NAV3: variants seen among roughly 807,000 people sequenced by gnomAD.
The protein encoded by NAV3 is neuron navigator 3.
Under a neutral mutation model 244.7 loss-of-function variants are expected in NAV3, and 87 were observed. The observed-to-expected ratio is 0.36, with a 90% CI of 0.30 to 0.42. The LOEUF is 0.42. Among genes scored for constraint, NAV3 ranks in the 20% least tolerant of loss-of-function variants. NAV3 has a pLI of 1.00. For synonymous variants in NAV3, 1,126 were observed against 1,042.2 expected (o/e 1.08, Z -1.55); for missense variants, 2,663 against 2,893.3 (o/e 0.92, Z 1.83).
At chr12:78,167,242 AAAT>A in intron 23 of NAV3, among the ~76,000 whole-genome samples, 1 of 151,940 alleles carries the variant, frequency 6.6e-6, no homozygotes, top group South Asian at 2.1e-4. Flanking sequence ...AATTTCCCAC[AAAT>A]ATTATATTCT....
intron 14 of NAV3, 55 bp downstream of exon 14, chr12:78,118,352 A>G (rs1955516280): frequency 6.5e-7 from 1 of 1,530,964 alleles, no homozygotes; most frequent in Non-Finnish European, 8.8e-7. Context: ...TATTGTTTCC[A>G]TTCAATCTTT....
intron 2 of NAV3, among the ~76,000 whole-genome samples, chr12:77,605,293 A>G (rs1012570286): frequency 1.3e-5 from 2 of 152,140 alleles, no homozygotes; most frequent in African/African-American, 4.8e-5. Flanking sequence ...TATTATAATT[A>G]TGAGAATCAA....
chr12:78,060,323 G>A (rs1180779511), intron 12 of NAV3, among the ~76,000 whole-genome samples: 1 of 152,080 alleles, frequency 6.6e-6, no homozygotes, highest in Non-Finnish European at 1.5e-5. Context: ...GATACCCAGG[G>A]AATTCTAATA....
chr12:78,021,713 T>G, intron 8 of NAV3, 34 bp from the exon 9 acceptor site: 1 of 1,429,814 alleles, frequency 7.0e-7, no homozygotes, highest in East Asian at 2.3e-5. Context: ...TGACTATAAC[T>G]GCTATTTCTT....
In NAV3 at chr12:77,727,109, T is replaced by TA. The variant is rs113550525; in HGVS notation, c.72+154844dup. Among the ~76,000 whole-genome samples the TA allele has an allele frequency of 4.4e-3, 674 of 152,022 alleles. 5 individuals are homozygous for TA. The highest frequency in any genetic ancestry group is 0.017 in the Middle Eastern group (5 of 294). ...TGAGGAATATCCACAGATTTGTCGA[T>TA]AGAGATGGTCAGGATGGTAGGAGCC... is the stretch of plus-strand genomic sequence containing the variant. On this transcript the variant is annotated intron_variant, in intron 2 of 8. Transcript: ENST00000550042.
At chr12:77,879,833 G>A (rs1324914961) in intron 1 of NAV3, among the ~76,000 whole-genome samples, 1 of 151,802 alleles carries the variant, frequency 6.6e-6, no homozygotes, top group Admixed American at 6.6e-5. Context: ...GTTATCTCAT[G>A]TTAAGCCAAA....
chr12:78,200,669 T>A lies in NAV3; in HGVS notation c.6834+78T>A, dbSNP rs908608356. ...AAATTACTTTAAAAGCAAAAAAAAA[T>A]ATCTGGGTATTTATGCAGAAAACTA... On this transcript the variant is annotated intron_variant, in intron 38 of 39. Coordinates refer to ENST00000397909, the MANE Select transcript of NAV3 (RefSeq NM_001024383.2). 19 of 746,076 alleles carry A rather than the reference T, an allele frequency of 2.5e-5. No homozygotes were observed. The South Asian group carries it at 5.1e-4, about 20-fold the overall frequency. 46.2% of individuals were successfully genotyped at this position (746,076 alleles called of 1,614,324 possible).
intron 25 of NAV3, 57 bp from the exon 26 acceptor site, chr12:78,176,382 C>A: frequency 6.4e-7 from 1 of 1,554,630 alleles, no homozygotes. Context: ...TTTTAAAATA[C>A]TGATCAGCCT....
At chr12:78,003,402 A>G (rs1873667123) in intron 7 of NAV3, among the ~76,000 whole-genome samples, 1 of 152,188 alleles carries the variant, frequency 6.6e-6, no homozygotes, top group South Asian at 2.1e-4. Context: ...GGGACCATCT[A>G]TATCAATGAG....
intron 3 of NAV3, among the ~76,000 whole-genome samples, chr12:77,960,381 G>C (rs1417484922): frequency 6.6e-6 from 1 of 151,496 alleles, no homozygotes; most frequent in Admixed American, 6.6e-5. Flanking sequence ...AGACTGGGGA[G>C]AGAGCAGTAG....
chr12:77,925,774 A>G (rs1215756695), intron 1 of NAV3, among the ~76,000 whole-genome samples: 1 of 152,186 alleles, frequency 6.6e-6, no homozygotes, highest in African/African-American at 2.4e-5. Flanking sequence ...AAGCTGATAC[A>G]TAATTGTGTA....
rs770148138 is a variant in NAV3 at position 78,148,857 on chromosome 12, C to T, written c.4723C>T (p.Arg1575Trp). 10 of 1,612,068 alleles carry T rather than the reference C, an allele frequency of 6.2e-6. No individual in the cohort carries two copies. Among genetic ancestry groups the T allele is most frequent in the South Asian group, 1.1e-5 (1 of 90,976 alleles). ...TTGCATTCAGCAAATCCATAAACTG[C>T]GGAGAGAGCTGGTTGCATCACAAGA... ...KAHSEQIHKL[R>W]RELVASQEKV... Residue 1575 changes from arginine (R) to tryptophan (W), a missense_variant, in exon 22 of 40, where the codon CGG becomes TGG. Transcript: ENST00000397909.
intron 2 of NAV3, among the ~76,000 whole-genome samples, chr12:77,749,085 A>G (rs1029481428): frequency 1.3e-5 from 2 of 152,214 alleles, no homozygotes; most frequent in Non-Finnish European, 2.9e-5. Flanking sequence ...GTTGTTGGAA[A>G]TGAGCTATGC....
At chr12:77,705,471 A>C (rs1212564621) in intron 2 of NAV3, among the ~76,000 whole-genome samples, 1 of 151,524 alleles carries the variant, frequency 6.6e-6, no homozygotes, top group Non-Finnish European at 1.5e-5. Context: ...TGGGCTAAAA[A>C]AATAGGGGAT....
chr12:77,691,024 C>T (rs1430387107), intron 2 of NAV3, among the ~76,000 whole-genome samples: 1 of 149,942 alleles, frequency 6.7e-6, no homozygotes, highest in East Asian at 2.0e-4. Context: ...TTATTTGAAA[C>T]TGTGTCTTTA....
intron 2 of NAV3, among the ~76,000 whole-genome samples, chr12:77,763,062 T>G (rs943703202): frequency 6.6e-6 from 1 of 152,232 alleles, no homozygotes; most frequent in African/African-American, 2.4e-5. Flanking sequence ...CAACCATATC[T>G]TGAACTTTTT....
chr12:77,947,906 G>A (rs75937002), intron 3 of NAV3, among the ~76,000 whole-genome samples: 154 of 152,072 alleles, frequency 1.0e-3, no homozygotes, highest in African/African-American at 3.4e-3. Context: ...GCATTAAGAG[G>A]CAGTGTGTTT....
chr12:77,941,223 A>G (rs1001787864), intron 3 of NAV3, 90 bp downstream of exon 3: 4 of 836,604 alleles, frequency 4.8e-6, no homozygotes, highest in South Asian at 3.5e-5. Context: ...TTTTTTCTGC[A>G]TGTCTTCCTG....
In NAV3 at chr12:77,740,846, T is replaced by C. The variant is rs531079759; in HGVS notation, c.72+168580T>C. On this transcript the variant is annotated intron_variant, in intron 2 of 8. Transcript: ENST00000550042. The stretch of plus-strand genomic sequence containing the variant: ...TTCTACTTGGGTGATGAATTAGAAG[T>C]GGAAAAAGATGAGAGGCAAAGACAA... Among the ~76,000 whole-genome samples, 18 of 151,316 alleles carry C rather than the reference T, an allele frequency of 1.2e-4. No homozygotes were observed. In the East Asian group the frequency reaches 3.3e-3, roughly 28 times the overall value.
Sources: allele counts gnomAD v4.1 joint callset (sites outside exome capture counted in the v4.1 genomes callset), GRCh38; gene constraint gnomAD v4.1.1; transcripts MANE v1.5; gene names NCBI Gene and HGNC (gene_info 2026-07-23, HGNC 2026-07-21).